ASGR2: variants seen among roughly 807,000 people sequenced by gnomAD.
The protein encoded by ASGR2 is C-type lectin domain family 4 member H2.
ASGR2 carries 34 observed loss-of-function variants against 32.3 expected under a neutral mutation model. The observed-to-expected ratio is 1.05, with a 90% CI of 0.80 to 1.40. The LOEUF is 1.40. Ranked by LOEUF, ASGR2 falls within the 40% of genes most tolerant of loss-of-function variation. The pLI, the probability that ASGR2 is intolerant of heterozygous loss-of-function variation, is 0.00. For synonymous variants in ASGR2, 143 were observed against 150.0 expected, an observed-to-expected ratio of 0.95 and a Z score of 0.34; for missense variants, 385 against 386.4, an observed-to-expected ratio of 1.00 and a Z score of 0.03.
Position 7,108,375 on chromosome 17 carries a change from G to T in ASGR2, c.337+87C>A. 1 of 1,390,658 alleles carries T rather than the reference G, an allele frequency of 7.2e-7. No homozygotes were observed. The highest frequency in any genetic ancestry group is 9.8e-7 in the Non-Finnish European group (1 of 1,021,132). 86.1% of individuals were successfully genotyped at this position (1,390,658 alleles called of 1,614,324 possible). A position where few individuals can be genotyped will look rare whatever the true frequency, so the allele number is the denominator to read the frequency against. On this transcript the variant is annotated intron_variant, in intron 4 of 8. Transcript: ENST00000691900. The surrounding 1 kb of genome is among the most constrained non-coding windows in gnomAD (Gnocchi z 4.9). The stretch of plus-strand genomic sequence containing the variant: ...GCCTTGCCCAGCCTGCACCCCCACG[G>T]CACCCCACACAGCCCTGTTGCAGAC...
intron 7 of ASGR2, 48 bp downstream of exon 7, chr17:7,106,952 G>C: frequency 2.5e-6 from 4 of 1,607,004 alleles, no homozygotes; most frequent in Non-Finnish European, 3.4e-6. Context: ...GCCTCCCAGA[G>C]CAGGCCTTCC....
At chr17:7,104,273 G>A (rs963248293) in intron 7 of ASGR2, among the ~76,000 whole-genome samples, 1 of 150,768 alleles carries the variant, frequency 6.6e-6, no homozygotes, top group Admixed American at 6.6e-5. Flanking sequence ...GCTTGAACCT[G>A]GGAGGCGGAG....
intron 7 of ASGR2, among the ~76,000 whole-genome samples, chr17:7,103,136 A>G (rs1913100297): frequency 6.6e-6 from 1 of 152,202 alleles, no homozygotes; most frequent in Non-Finnish European, 1.5e-5. Context: ...CACACTTAAC[A>G]ATTCCCTTTG....
At chr17:7,110,970 G>A (rs1914545698) in intron 2 of ASGR2, among the ~76,000 whole-genome samples, 1 of 152,176 alleles carries the variant, frequency 6.6e-6, no homozygotes, top group South Asian at 2.1e-4. Flanking sequence ...TGAGGAGATG[G>A]AGCTGAGAGT....
In ASGR2 at chr17:7,114,544, C is replaced by T. The variant is rs1257331380; in HGVS notation, c.-71+71G>A. ...CACCCACAGCTTCCCATGGGGTCCT[C>T]CCCATCCCTGAACCAAGGCCTCCTT... On this transcript the variant is annotated intron_variant, in intron 1 of 8. Coordinates refer to ENST00000691900, the MANE Select transcript of ASGR2 (RefSeq NM_001201352.2). This position sits in a 1 kb window ranked among gnomAD's most constrained non-coding sequence, Gnocchi z 4.5. 2 of 1,180,336 alleles carry T rather than the reference C, an allele frequency of 1.7e-6. No homozygotes were observed. Among genetic ancestry groups the T allele is most frequent in the Non-Finnish European group, 2.1e-6 (2 of 948,718 alleles). The allele number at this position is 1,180,336 out of a possible 1,614,324, so 73.1% of individuals were successfully genotyped here.
Position 7,108,659 on chromosome 17 carries a change from T to C in ASGR2, c.242-102A>G. 6.2e-7 allele frequency: 1 copy of C among 1,602,684 alleles called. No homozygotes were observed. The highest frequency in any genetic ancestry group is 8.5e-7 in the Non-Finnish European group (1 of 1,172,948). ...ATGTCCCCGCATTTGCCCCAGCTTG[T>C]GCTCCACCCCGCCTCCATCCCTTCC... On this transcript the variant is annotated intron_variant, in intron 3 of 8. Coordinates refer to ENST00000691900, the MANE Select transcript of ASGR2 (RefSeq NM_001201352.2). The surrounding 1 kb of genome is among the most constrained non-coding windows in gnomAD (Gnocchi z 4.9).
In ASGR2 at chr17:7,113,222, G is replaced by A. The variant is rs1453605405; in HGVS notation, c.124+895C>T. On this transcript the variant is annotated intron_variant, in intron 2 of 8. Coordinates refer to ENST00000691900, the MANE Select transcript of ASGR2 (RefSeq NM_001201352.2). The surrounding 1 kb of genome is among the most constrained non-coding windows in gnomAD (Gnocchi z 5.1). ...GGAAGGGTCTTGGGAGATGAGAGGAGCAGGGATCTTCCAGGATCTCTCTGT... is the reference window on the plus strand; with the variant it reads ...GGAAGGGTCTTGGGAGATGAGAGGAACAGGGATCTTCCAGGATCTCTCTGT... Among the ~76,000 whole-genome samples the A allele has an allele frequency of 4.6e-5, 7 of 151,930 alleles. No individual in the cohort carries two copies. The highest frequency in any genetic ancestry group is 1.5e-4 in the African/African-American group (6 of 41,330).
chr17:7,108,571 A>T lies in ASGR2; in HGVS notation c.242-14T>A, dbSNP rs1368956698. On this transcript the variant is annotated splice_polypyrimidine_tract_variant and intron_variant, in intron 3 of 8. Transcript: ENST00000691900. This position sits in a 1 kb window ranked among gnomAD's most constrained non-coding sequence, Gnocchi z 4.9. ...GCAGCTGTGCACCTTGTCAGGTGGT[A>T]GTGGGGGCAGGATGAGGCAGAGGGG... is the stretch of plus-strand genomic sequence containing the variant. 1.2e-6 allele frequency: 2 copies of T among 1,606,480 alleles called. No individual in the cohort carries two copies. Among genetic ancestry groups the T allele is most frequent in the Non-Finnish European group, 1.7e-6 (2 of 1,177,030 alleles).
In ASGR2 at chr17:7,101,356, A is replaced by G. The variant is rs1186391436; in HGVS notation, c.*219T>C. 1 of 557,052 alleles carries G rather than the reference A, an allele frequency of 1.8e-6. No homozygotes were observed. Among genetic ancestry groups the G allele is most frequent in the South Asian group, 2.9e-5 (1 of 33,940 alleles). The allele number at this position is 557,052 out of a possible 1,614,324, so 34.5% of individuals were successfully genotyped here. A position where few individuals can be genotyped will look rare whatever the true frequency, so the allele number is the denominator to read the frequency against. On this transcript the variant is annotated 3_prime_UTR_variant, in exon 9 of 9. Coordinates refer to ENST00000691900, the MANE Select transcript of ASGR2 (RefSeq NM_001201352.2). Reference sequence around the variant, plus strand: ...GCATTTGTTTCTTCTTTCCTACGCCATTGAAGAGGCTGACGATTATAATAA... The same window carrying G: ...GCATTTGTTTCTTCTTTCCTACGCCGTTGAAGAGGCTGACGATTATAATAA...
chr17:7,101,879 C>T (rs1262813480), intron 8 of ASGR2, 139 bp from the exon 9 acceptor site: 3 of 1,226,044 alleles, frequency 2.4e-6, no homozygotes, highest in African/African-American at 1.5e-5. Context: ...CTGGGGAGAA[C>T]CCAACCGCAG....
intron 2 of ASGR2, among the ~76,000 whole-genome samples, chr17:7,111,218 C>T (rs992362754): frequency 6.6e-6 from 1 of 152,138 alleles, no homozygotes; most frequent in Non-Finnish European, 1.5e-5. Flanking sequence ...AGAACTGACA[C>T]GGATGCTAGA....
chr17:7,102,182 T>C lies in ASGR2; in HGVS notation c.663A>G (p.Gln221=), dbSNP rs764115465. 6.2e-7 allele frequency: 1 copy of C among 1,614,028 alleles called. No individual in the cohort carries two copies. Among genetic ancestry groups the C allele is most frequent in the Non-Finnish European group, 8.5e-7 (1 of 1,179,904 alleles). The change falls in exon 8 of 9, where the codon CAA becomes CAG. Residue 221 remains glutamine (Q), a synonymous_variant. Transcript: ENST00000691900. ...TCCAGGTATTGAAGGGGTTCGTGTG[T>C]TGTACAATGAATTTCTGGAAACACA... The part of the protein sequence containing the change: ...NSWEEQKFIV[Q]HTNPFNTWIG...
Position 7,107,733 on chromosome 17 carries a change from G to T in ASGR2, c.409+103C>A. On this transcript the variant is annotated intron_variant, in intron 5 of 8. Coordinates refer to ENST00000691900, the MANE Select transcript of ASGR2 (RefSeq NM_001201352.2). The surrounding 1 kb of genome is among the most constrained non-coding windows in gnomAD (Gnocchi z 5.0). ...CATGCTTGCAGGCACACACACGCAC[G>T]CACGCACACGTGCACACTACACACA... is the stretch of plus-strand genomic sequence containing the variant. The T allele has an allele frequency of 1.2e-6, 1 of 814,604 alleles. No homozygotes were observed. The highest frequency in any genetic ancestry group is 1.8e-6 in the Non-Finnish European group (1 of 558,806). 50.5% of individuals were successfully genotyped at this position (814,604 alleles called of 1,614,324 possible).
rs1912970451 is a variant in ASGR2 at position 7,102,352 on chromosome 17, T to C, written c.649-156A>G. 2.0e-5 allele frequency among the ~76,000 whole-genome samples: 3 copies of C among 152,198 alleles called. No homozygotes were observed. In the South Asian group the frequency reaches 6.2e-4, roughly 31 times the overall value. On this transcript the variant is annotated intron_variant, in intron 7 of 8. Transcript: ENST00000691900. ...GACAAGACTGCTTCCTAGCTTTTTC[T>C]TCCGTCACTCTAGCTACTGTTCAGT...
In ASGR2 at chr17:7,114,778, T is replaced by TC; in HGVS notation, c.-235dup. 1 of 990,912 alleles carries TC rather than the reference T, an allele frequency of 1.0e-6. No homozygotes were observed. Among genetic ancestry groups the TC allele is most frequent in the Non-Finnish European group, 1.2e-6 (1 of 833,290 alleles). The allele number at this position is 990,912 out of a possible 1,614,324, so 61.4% of individuals were successfully genotyped here. On this transcript the variant is annotated 5_prime_UTR_variant, in exon 1 of 9. Transcript: ENST00000691900. This position sits in a 1 kb window ranked among gnomAD's most constrained non-coding sequence, Gnocchi z 4.5. ...AGGCCTGCACTGGAGGGTCTGAGTG[T>TC]CCAAGCTCTAACCTGGCACCTCCTG...
In ASGR2 at chr17:7,114,031, A is replaced by G. The variant is rs10459915; in HGVS notation, c.124+86T>C. Reference sequence around the variant, plus strand: ...GGCCCTCCTCAGTCCCTGTTCACAGAGTGGGTGCGGCAGAGACCTCAAAGG... The same window carrying G: ...GGCCCTCCTCAGTCCCTGTTCACAGGGTGGGTGCGGCAGAGACCTCAAAGG... On this transcript the variant is annotated intron_variant, in intron 2 of 8. Coordinates refer to ENST00000691900, the MANE Select transcript of ASGR2 (RefSeq NM_001201352.2). This position sits in a 1 kb window ranked among gnomAD's most constrained non-coding sequence, Gnocchi z 4.5. 0.17 allele frequency: 268,854 copies of G among 1,565,940 alleles called. 24,110 individuals are homozygous for G. Among genetic ancestry groups the G allele is most frequent in the East Asian group, 0.19 (8,619 of 44,378 alleles).
At chr17:7,106,366 T>C (rs909062962) in intron 7 of ASGR2, among the ~76,000 whole-genome samples, 1 of 152,214 alleles carries the variant, frequency 6.6e-6, no homozygotes. Flanking sequence ...CACGAAGTTG[T>C]AGTGGTCATG....
chr17:7,108,261 G>A lies in ASGR2; in HGVS notation c.337+201C>T, dbSNP rs756987659. Among the ~76,000 whole-genome samples the A allele has an allele frequency of 1.3e-5, 2 of 151,902 alleles. No homozygotes were observed. Among genetic ancestry groups the A allele is most frequent in the African/African-American group, 4.8e-5 (2 of 41,330 alleles). On this transcript the variant is annotated intron_variant, in intron 4 of 8. Transcript: ENST00000691900. This position sits in a 1 kb window ranked among gnomAD's most constrained non-coding sequence, Gnocchi z 4.9. Reference sequence around the variant, plus strand: ...AAGACATGGTGCCTTCCTCACCTCCGGGTGTCGCAGATCCAACCTCTCCAC... The same window carrying A: ...AAGACATGGTGCCTTCCTCACCTCCAGGTGTCGCAGATCCAACCTCTCCAC...
intron 7 of ASGR2, 57 bp from the exon 8 acceptor site, chr17:7,102,253 A>C: frequency 3.5e-6 from 5 of 1,429,246 alleles, no homozygotes; most frequent in Non-Finnish European, 4.9e-6. Flanking sequence ...TCCTCCCTCC[A>C]TGCAGGCATG....
Sources: gnomAD v4.1 joint callset for allele counts (sites outside exome capture counted in the v4.1 genomes callset) on GRCh38, gnomAD v4.1.1 for gene constraint, Gnocchi (gnomAD v3.1) non-coding constraint, MANE v1.5 for transcripts, NCBI Gene and HGNC (gene_info 2026-07-23, HGNC 2026-07-21) for gene names.